The following SLCO1A2 variants were observed in gnomAD, a reference collection of about 807,000 sequenced individuals.
SLCO1A2 encodes OATP-1.
A neutral mutation model predicts 69.0 loss-of-function variants in SLCO1A2; 67 were observed. The ratio of observed to expected loss-of-function variants is 0.97; its 90% confidence interval spans 0.80 to 1.19. The LOEUF (loss-of-function observed/expected upper bound fraction) is 1.19, where lower values mean the gene tolerates loss of function less well. Among genes scored for constraint, SLCO1A2 ranks in the 50% most tolerant of loss-of-function variants. The probability of loss-of-function intolerance (pLI) is 0.00; values close to 1 mark genes in which losing one functional copy is unlikely to be tolerated. For missense variants in SLCO1A2, 787 were observed against 793.7 expected (o/e 0.99, Z 0.10); for synonymous variants, 260 against 265.9 (o/e 0.98, Z 0.22).
intron 2 of SLCO1A2, among the ~76,000 whole-genome samples, chr12:21,331,076 C>T (rs1952582838): frequency 6.6e-6 from 1 of 152,080 alleles, no homozygotes; most frequent in Non-Finnish European, 1.5e-5. Context: ...CTTTTTACCT[C>T]ATTTTATATA....
rs758713967 is a variant in SLCO1A2, at chr12:21,275,459, A to G, written c.1611-35T>C. The G allele has an allele frequency of 4.3e-6, 6 of 1,408,252 alleles. No homozygotes were observed. The East Asian group carries it at 1.3e-4, about 30-fold the overall frequency. The allele number at this position is 1,408,252 out of a possible 1,614,324, so 87.2% of individuals were successfully genotyped here. A position where few individuals can be genotyped will look rare whatever the true frequency, so the allele number is the denominator to read the frequency against. Reference sequence around the variant, plus strand: ...AAATAAGTTTGTAAATAAAAGAAAAATAAAGATTTAAAACTATCATATTGT... The same window carrying G: ...AAATAAGTTTGTAAATAAAAGAAAAGTAAAGATTTAAAACTATCATATTGT... On this transcript the variant is annotated intron_variant, in intron 12 of 14. Coordinates refer to ENST00000683939, the MANE Select transcript of SLCO1A2 (RefSeq NM_001386879.1).
At chr12:21,416,917 T>C (rs1447885267) in intron 1 of SLCO1A2, among the ~76,000 whole-genome samples, 1 of 152,150 alleles carries the variant, frequency 6.6e-6, no homozygotes, top group Non-Finnish European at 1.5e-5. Flanking sequence ...TAAATGTCTC[T>C]CAAAAGGAAA....
chr12:21,330,460 G>C (rs1952541463), intron 2 of SLCO1A2, among the ~76,000 whole-genome samples: 1 of 152,120 alleles, frequency 6.6e-6, no homozygotes, highest in South Asian at 2.1e-4. Context: ...AGTGAACTGA[G>C]ATTGTGCCAC....
intron 1 of SLCO1A2, among the ~76,000 whole-genome samples, chr12:21,385,278 C>T (rs1468428977): frequency 6.6e-6 from 1 of 152,128 alleles, no homozygotes; most frequent in African/African-American, 2.4e-5. Context: ...GACTCCATGC[C>T]TCCACTTTGT....
intron 12 of SLCO1A2, among the ~76,000 whole-genome samples, chr12:21,277,597 T>G (rs1402464804): frequency 2.0e-5 from 3 of 151,978 alleles, no homozygotes; most frequent in African/African-American, 7.2e-5. Flanking sequence ...TCCCAAACAT[T>G]TTGCACCAGG....
At chr12:21,336,251 C>T (rs536228145), upstream of SLCO1A2, among the ~76,000 whole-genome samples, 102 of 152,096 alleles carry the variant, frequency 6.7e-4, 2 homozygotes, top group Non-Finnish European at 1.3e-4. Context: ...CTTCACTCTT[C>T]TTTGTGGCTA....
chr12:21,275,402 A>T lies in SLCO1A2; in HGVS notation c.1633T>A (p.Ser545Thr), dbSNP rs772451135. The T allele has an allele frequency of 9.9e-6, 15 of 1,518,872 alleles. No individual in the cohort carries two copies. Among genetic ancestry groups the T allele is most frequent in the Non-Finnish European group, 1.2e-5 (13 of 1,125,126 alleles). 94.1% of individuals were successfully genotyped at this position (1,518,872 alleles called of 1,614,324 possible). A position where few individuals can be genotyped will look rare whatever the true frequency, so the allele number is the denominator to read the frequency against. Residue 545 changes from serine to threonine, a missense_variant, in exon 13 of 15, where the codon TCC becomes ACC. By Grantham distance (58) the Ser-to-Thr change is moderately conservative (BLOSUM62 1). Transcript: ENST00000683939. The stretch of plus-strand genomic sequence containing the variant: ...AATGTATGTAATCCCACACCAAGGG[A>T]CTTCTCTTCAGATTTCATACACCTG... ...LLRCMKSEEKSLGVGLHTFCT... is the reference protein window; with the variant it reads ...LLRCMKSEEKTLGVGLHTFCT...
At chr12:21,400,489 A>C (rs1168900107) in intron 1 of SLCO1A2, among the ~76,000 whole-genome samples, 1 of 151,830 alleles carries the variant, frequency 6.6e-6, no homozygotes, top group Admixed American at 6.6e-5. Context: ...GGGATCTAGA[A>C]CTAGAAATAC....
At chr12:21,279,538 G>A (rs943906491) in intron 12 of SLCO1A2, among the ~76,000 whole-genome samples, 1 of 152,144 alleles carries the variant, frequency 6.6e-6, no homozygotes, top group African/African-American at 2.4e-5. Context: ...CAGGCCAAGA[G>A]AGAGTGGCAT....
At chr12:21,275,533 T>G (rs2136106471) in intron 12 of SLCO1A2, 109 bp from the exon 13 acceptor site, 1 of 1,151,206 alleles carries the variant, frequency 8.7e-7, no homozygotes, top group East Asian at 3.0e-5. Flanking sequence ...ACATTCAAAA[T>G]TTTACTTTCA....
At chr12:21,408,918 T>C (rs1941865629) in intron 1 of SLCO1A2, among the ~76,000 whole-genome samples, 1 of 151,476 alleles carries the variant, frequency 6.6e-6, no homozygotes, top group South Asian at 2.1e-4. Context: ...AGAATAAAAC[T>C]TTTTAAAGGC....
At chr12:21,330,755 T>C (rs1952565694) in intron 2 of SLCO1A2, among the ~76,000 whole-genome samples, 1 of 152,202 alleles carries the variant, frequency 6.6e-6, no homozygotes, top group Non-Finnish European at 1.5e-5. Flanking sequence ...GTTGCATGAG[T>C]GTACTTTTAA....
chr12:21,402,925 A>G (rs956396635), intron 1 of SLCO1A2, among the ~76,000 whole-genome samples: 2 of 152,194 alleles, frequency 1.3e-5, no homozygotes, highest in South Asian at 2.1e-4. Flanking sequence ...AGAAAACTCC[A>G]GTAGAATGTG....
Position 21,272,371 on chromosome 12 carries a change from G to T in SLCO1A2, c.1793+2098C>A, listed in dbSNP as rs369726968. Among the ~76,000 whole-genome samples, 15 of 151,352 alleles carry T rather than the reference G, an allele frequency of 9.9e-5. No individual in the cohort carries two copies. In the East Asian group the frequency reaches 2.5e-3, roughly 25 times the overall value. ...TTGTCTGTATTTAATATTCATTTGTGGGACAAGTATATTGAAATTTTCCAT... is the reference window on the plus strand; with the variant it reads ...TTGTCTGTATTTAATATTCATTTGTTGGACAAGTATATTGAAATTTTCCAT... On this transcript the variant is annotated intron_variant, in intron 14 of 14. Transcript: ENST00000683939.
chr12:21,351,822 A>T (rs1391364661), intron 2 of SLCO1A2, among the ~76,000 whole-genome samples: 1 of 152,074 alleles, frequency 6.6e-6, no homozygotes, highest in Non-Finnish European at 1.5e-5. Context: ...GTTTAGGAAT[A>T]GACCATTATT....
chr12:21,278,274 G>C (rs73250866), intron 12 of SLCO1A2, among the ~76,000 whole-genome samples: 7,934 of 152,168 alleles, frequency 0.052, 672 homozygotes, highest in African/African-American at 0.18. Context: ...CCCATCCCAG[G>C]CTCCTGGATG....
intron 2 of SLCO1A2, among the ~76,000 whole-genome samples, chr12:21,364,068 A>G (rs1474052091): frequency 6.6e-6 from 1 of 152,216 alleles, no homozygotes; most frequent in Non-Finnish European, 1.5e-5. Flanking sequence ...TCATCCTGAT[A>G]CCAAAGCCTG....
At chr12:21,405,028 ATCT>A (rs1941799532) in intron 1 of SLCO1A2, among the ~76,000 whole-genome samples, 1 of 149,084 alleles carries the variant, frequency 6.7e-6, no homozygotes, top group South Asian at 2.1e-4. Context: ...CCGCATAAAC[ATCT>A]TCTTTCGAGA....
intron 2 of SLCO1A2, among the ~76,000 whole-genome samples, chr12:21,333,670 A>T (rs1226388489): frequency 6.6e-6 from 1 of 152,088 alleles, no homozygotes; most frequent in Non-Finnish European, 1.5e-5. Context: ...TTTTCTCCAC[A>T]AATGCTTTTA....
Sources: gnomAD v4.1 joint callset for allele counts (sites outside exome capture counted in the v4.1 genomes callset) on GRCh38, gnomAD v4.1.1 for gene constraint, MANE v1.5 for transcripts, NCBI Gene and HGNC (gene_info 2026-07-23, HGNC 2026-07-21) for gene names.